Variants in PTPRQ observed in about 807,000 individuals in gnomAD.
PTPRQ encodes phosphatidylinositol phosphatase PTPRQ.
Under a neutral mutation model 246.0 loss-of-function variants are expected in PTPRQ, and 199 were observed. The observed-to-expected ratio is 0.81, with a 90% CI of 0.72 to 0.91. The LOEUF is 0.91. Among genes scored for constraint, PTPRQ ranks in the 40% least tolerant of loss-of-function variants. The pLI is 0.00. For missense variants in PTPRQ, 2,624 were observed against 2,528.4 expected (o/e 1.04, Z -0.81); for synonymous variants, 869 against 853.2 (o/e 1.02, Z -0.32).
intron 16 of PTPRQ, among the ~76,000 whole-genome samples, chr12:80,507,653 T>C (rs1040282815): frequency 6.6e-6 from 1 of 151,992 alleles, no homozygotes; most frequent in African/African-American, 2.4e-5. Flanking sequence ...GCTAGGGCTG[T>C]CTGTGTTGCC....
chr12:80,493,623 A>G (rs1894520576), intron 10 of PTPRQ, among the ~76,000 whole-genome samples, 168 bp downstream of exon 10: 1 of 151,972 alleles, frequency 6.6e-6, no homozygotes, highest in Admixed American at 6.6e-5. Context: ...GAAATGCCAC[A>G]CAGGCAGAAG....
chr12:80,542,023 T>G, intron 21 of PTPRQ, 66 bp from the exon 22 acceptor site: 1 of 1,503,838 alleles, frequency 6.6e-7, no homozygotes, highest in South Asian at 1.3e-5. Context: ...CCCATTATGA[T>G]TGAATCCTCT....
intron 38 of PTPRQ, among the ~76,000 whole-genome samples, chr12:80,654,016 T>G (rs1003185314): frequency 6.6e-6 from 1 of 151,456 alleles, no homozygotes; most frequent in Non-Finnish European, 1.5e-5. Context: ...TCTTTCTTTC[T>G]TTTTTTCTTT....
intron 5 of PTPRQ, 26 bp downstream of exon 5, chr12:80,459,509 G>A (rs577450221): frequency 3.7e-4 from 145 of 391,522 alleles, no homozygotes; most frequent in South Asian, 1.6e-3. Context: ...CACTTTCTAT[G>A]TCTTGAAAAA....
At chr12:80,609,355 A>T (rs2121096410) in intron 27 of PTPRQ, among the ~76,000 whole-genome samples, 1 of 150,670 alleles carries the variant, frequency 6.6e-6, no homozygotes, top group South Asian at 2.1e-4. Flanking sequence ...CAACCAACCA[A>T]ACAAAAAATA....
At chr12:80,618,847 C>T (rs530727026) in intron 30 of PTPRQ, among the ~76,000 whole-genome samples, 1 of 151,292 alleles carries the variant, frequency 6.6e-6, no homozygotes, top group East Asian at 1.9e-4. Flanking sequence ...CATACTAGAG[C>T]CCCATTAGAA....
At chr12:80,590,889 A>G (rs1897776836) in intron 26 of PTPRQ, among the ~76,000 whole-genome samples, 1 of 151,866 alleles carries the variant, frequency 6.6e-6, no homozygotes, top group Non-Finnish European at 1.5e-5. Flanking sequence ...GCATCTTTGT[A>G]TTCCCTGTTT....
intron 34 of PTPRQ, among the ~76,000 whole-genome samples, chr12:80,633,176 G>A (rs1899506844): frequency 6.6e-6 from 1 of 152,158 alleles, no homozygotes; most frequent in South Asian, 2.1e-4. Context: ...AAACACAAAA[G>A]CAGAAGCTTT....
At chr12:80,515,189 C>G (rs915767054) in intron 17 of PTPRQ, among the ~76,000 whole-genome samples, 3 of 151,816 alleles carry the variant, frequency 2.0e-5, no homozygotes, top group Admixed American at 6.6e-5. Context: ...GGAGAGGAGG[C>G]AGGTATCATA....
chr12:80,599,011 T>G (rs1288663114), intron 26 of PTPRQ, among the ~76,000 whole-genome samples: 2 of 151,916 alleles, frequency 1.3e-5, no homozygotes, highest in Non-Finnish European at 2.9e-5. Flanking sequence ...CAACAAAACT[T>G]GTTGATTCTT....
At chr12:80,628,478 T>C (rs771029205) in intron 33 of PTPRQ, among the ~76,000 whole-genome samples, 1 of 152,224 alleles carries the variant, frequency 6.6e-6, no homozygotes, top group Non-Finnish European at 1.5e-5. Flanking sequence ...GCAGTAAAAT[T>C]ATAAATTATG....
At chr12:80,615,955 A>C (rs1005607654) in intron 29 of PTPRQ, among the ~76,000 whole-genome samples, 1 of 150,878 alleles carries the variant, frequency 6.6e-6, no homozygotes, top group Non-Finnish European at 1.5e-5. Context: ...AATTTTTAGA[A>C]ATACTTCATT....
Position 80,588,137 on chromosome 12 carries a change from G to T in PTPRQ, c.4294G>T (p.Val1432Phe). ...TTCCCTTTAATTTTTAGTTCCCAGT[G>T]TTCCCACAAATATTGCTTTTTCTGA... ...VSTLPETVPS[V>F]PTNIAFSDVQ... is the part of the protein sequence containing the mutation. Residue 1432 changes from valine (V) to phenylalanine (F), a missense_variant, in exon 26 of 45, where the codon GTT (valine) becomes TTT (phenylalanine). Physicochemically the swap from Val to Phe is conservative, Grantham distance 50. Transcript: ENST00000644991. 1.3e-6 allele frequency: 2 copies of T among 1,523,124 alleles called. No homozygotes were observed. Among genetic ancestry groups the T allele is most frequent in the Non-Finnish European group, 8.8e-7 (1 of 1,132,816 alleles). 94.4% of individuals were successfully genotyped at this position (1,523,124 alleles called of 1,614,324 possible).
At chr12:80,598,882 A>G (rs1289444237) in intron 26 of PTPRQ, among the ~76,000 whole-genome samples, 1 of 151,988 alleles carries the variant, frequency 6.6e-6, no homozygotes, top group Non-Finnish European at 1.5e-5. Flanking sequence ...TACACTAAAA[A>G]CCATAGAGTA....
chr12:80,622,393 T>C (rs150120362), intron 33 of PTPRQ, among the ~76,000 whole-genome samples: 1 of 152,146 alleles, frequency 6.6e-6, no homozygotes, highest in Non-Finnish European at 1.5e-5. Flanking sequence ...CTCAGAGGGA[T>C]TTTATACCCC....
chr12:80,539,665 AT>A, intron 19 of PTPRQ, 110 bp from the exon 20 acceptor site: 1 of 900,170 alleles, frequency 1.1e-6, no homozygotes, highest in Non-Finnish European at 1.5e-6. Context: ...CTAAAACAAC[AT>A]ATTAAAATAA....
chr12:80,581,456 C>T (rs1055878087), intron 25 of PTPRQ, among the ~76,000 whole-genome samples: 13 of 151,890 alleles, frequency 8.6e-5, no homozygotes, highest in South Asian at 2.1e-4. Context: ...GGTAACATGG[C>T]GCAACTCCAT....
At chr12:80,554,036 GTAGAATGATGGTTTCCAGAGCC>G (rs1462360814) in intron 25 of PTPRQ, among the ~76,000 whole-genome samples, 9 of 150,842 alleles carry the variant, frequency 6.0e-5, no homozygotes, top group Non-Finnish European at 8.8e-5. Context: ...GAGATAGAGT[GTAGAATGATGGTTTCCAGAGCC>G]TGGAAAAGGT....
intron 25 of PTPRQ, among the ~76,000 whole-genome samples, chr12:80,555,738 T>C (rs1228388132): frequency 1.3e-5 from 2 of 152,182 alleles, no homozygotes; most frequent in Non-Finnish European, 2.9e-5. Flanking sequence ...TACAGTATCT[T>C]TTATATAGAC....
Sources: gnomAD v4.1 joint callset for allele counts (sites outside exome capture counted in the v4.1 genomes callset) on GRCh38, gnomAD v4.1.1 for gene constraint, MANE v1.5 for transcripts, NCBI Gene and HGNC (gene_info 2026-07-23, HGNC 2026-07-21) for gene names.